The following PKHD1 variants were observed in gnomAD, a reference collection of about 807,000 sequenced individuals.
The protein encoded by PKHD1 is fibrocystin.
In PKHD1, 291 loss-of-function variants were observed where a neutral mutation model predicts 412.0. The observed-to-expected ratio is 0.71, with a 90% confidence interval of 0.64 to 0.78. The LOEUF is 0.78. PKHD1 is among the 30% of genes least tolerant of loss of function. The pLI is 0.00. For synonymous variants in PKHD1, 1,777 were observed against 1,821.5 expected, an observed-to-expected ratio of 0.98 and a Z score of 0.62; for missense variants, 4,825 against 4,950.7, an observed-to-expected ratio of 0.97 and a Z score of 0.76.
At chr6:51,990,596 C>T (rs1796938306) in intron 35 of PKHD1, among the ~76,000 whole-genome samples, 1 of 152,148 alleles carries the variant, frequency 6.6e-6, no homozygotes, top group Non-Finnish European at 1.5e-5. Context: ...CACTTTTGTT[C>T]CTTAGTAAAT....
At chr6:51,697,987 T>A (rs62461297) in intron 60 of PKHD1, among the ~76,000 whole-genome samples, 12,169 of 152,280 alleles carry the variant, frequency 0.08, 694 homozygotes, top group Middle Eastern at 0.15. Flanking sequence ...AAGGAAAGGA[T>A]CACATTATAT....
chr6:52,054,062 C>G lies in PKHD1; in HGVS notation c.1940G>C (p.Ser647Thr). The G allele has an allele frequency of 6.2e-7, 1 of 1,613,958 alleles. No homozygotes were observed. ...NMVKNTTCDW[S>T]LTRTSPESWQ... ...CCTCTCGGGGCTGGTCCTCGTGAGA[C>G]TCCAGTCACAGGTGGTATTCTTTAC... Residue 647 changes from serine (S) to threonine (T), a missense_variant, in exon 20 of 67, where the codon AGT (serine) becomes ACT (threonine). Transcript: ENST00000371117.
rs4715273 is a variant in PKHD1, at chr6:52,064,678, T to G, written c.976+277A>C. The stretch of plus-strand genomic sequence containing the variant: ...GTTTCTTCCAGTAGCTATAACAATA[T>G]CTTGAGGGCAGTTATGCTTTCTAGA... On this transcript the variant is annotated intron_variant, in intron 13 of 66. Coordinates refer to ENST00000371117, the MANE Select transcript of PKHD1 (RefSeq NM_138694.4). 0.41 allele frequency among the ~76,000 whole-genome samples: 62,592 copies of G among 151,480 alleles called. 14,983 individuals carry two copies. The highest frequency in any genetic ancestry group is 0.57 in the Admixed American group (8,660 of 15,230).
intron 35 of PKHD1, among the ~76,000 whole-genome samples, chr6:51,990,805 T>G (rs1357398764): frequency 6.6e-6 from 1 of 151,988 alleles, no homozygotes; most frequent in Admixed American, 6.6e-5. Flanking sequence ...GGCAGCATCA[T>G]GATTAAGAGA....
At chr6:52,007,488 A>T (rs898680450) in intron 35 of PKHD1, among the ~76,000 whole-genome samples, 3 of 152,184 alleles carry the variant, frequency 2.0e-5, no homozygotes, top group African/African-American at 4.8e-5. Flanking sequence ...AAGGTAGGGA[A>T]ATTGTACATC....
chr6:51,824,180 T>A (rs924495543), intron 52 of PKHD1, among the ~76,000 whole-genome samples: 3 of 152,066 alleles, frequency 2.0e-5, no homozygotes, highest in African/African-American at 7.2e-5. Context: ...AACAATTCTA[T>A]GTGTCTATAA....
At chr6:51,883,019 G>A (rs1240867785) in intron 46 of PKHD1, 74 bp downstream of exon 46, 3 of 1,132,492 alleles carry the variant, frequency 2.6e-6, no homozygotes, top group African/African-American at 3.1e-5. Context: ...TGCATATCCT[G>A]GATCATCAGG....
At chr6:51,952,613 C>A (rs1790531056) in intron 36 of PKHD1, among the ~76,000 whole-genome samples, 1 of 152,058 alleles carries the variant, frequency 6.6e-6, no homozygotes, top group South Asian at 2.1e-4. Context: ...AAGTTTTTAA[C>A]CAATTAAAAA....
chr6:51,620,430 G>A (rs1242082635), intron 66 of PKHD1, among the ~76,000 whole-genome samples: 1 of 151,948 alleles, frequency 6.6e-6, no homozygotes, highest in Admixed American at 6.6e-5. Flanking sequence ...TGCATGCAAA[G>A]GTCACTATTC....
chr6:51,638,639 T>A (rs1474446992), intron 64 of PKHD1, among the ~76,000 whole-genome samples: 1 of 152,120 alleles, frequency 6.6e-6, no homozygotes, highest in Admixed American at 6.6e-5. Flanking sequence ...GTACATTTGG[T>A]TTCTTGCTCA....
chr6:51,724,250 C>G (rs1782283704), intron 60 of PKHD1, among the ~76,000 whole-genome samples: 1 of 152,146 alleles, frequency 6.6e-6, no homozygotes, highest in African/African-American at 2.4e-5. Flanking sequence ...ATTGTTTGTC[C>G]TTAGGTCCCA....
At chr6:51,634,683 T>C (rs910679784) in intron 64 of PKHD1, among the ~76,000 whole-genome samples, 4 of 152,170 alleles carry the variant, frequency 2.6e-5, no homozygotes, top group Non-Finnish European at 5.9e-5. Flanking sequence ...ATTGATATGA[T>C]TCGGGAAAGC....
intron 37 of PKHD1, among the ~76,000 whole-genome samples, chr6:51,912,815 A>G (rs1783170749): frequency 1.3e-5 from 2 of 152,060 alleles, no homozygotes. Context: ...GCCAGACTAG[A>G]GAATAGCAAC....
At chr6:51,663,022 T>C (rs1562050384) in intron 60 of PKHD1, among the ~76,000 whole-genome samples, 1 of 152,082 alleles carries the variant, frequency 6.6e-6, no homozygotes, top group African/African-American at 2.4e-5. Context: ...ACTCTAATGT[T>C]AAGAGTTGTC....
intron 60 of PKHD1, among the ~76,000 whole-genome samples, chr6:51,712,950 T>C (rs374798856): frequency 3.9e-5 from 6 of 152,334 alleles, no homozygotes; most frequent in African/African-American, 1.4e-4. Context: ...GATCCAGTTA[T>C]CTAACTAAAT....
intron 60 of PKHD1, among the ~76,000 whole-genome samples, chr6:51,665,209 T>G (rs1160780773): frequency 6.6e-6 from 1 of 152,110 alleles, no homozygotes; most frequent in Admixed American, 6.6e-5. Context: ...TTCAAGGCTA[T>G]GTAGTCTTGT....
At chr6:52,081,498 T>A (rs1812020481) in intron 4 of PKHD1, among the ~76,000 whole-genome samples, 1 of 152,022 alleles carries the variant, frequency 6.6e-6, no homozygotes, top group Non-Finnish European at 1.5e-5. Context: ...ATAAGTGTTA[T>A]GAAAACTCAG....
chr6:51,676,552 T>G (rs951464108), intron 60 of PKHD1, among the ~76,000 whole-genome samples: 1 of 152,132 alleles, frequency 6.6e-6, no homozygotes, highest in Non-Finnish European at 1.5e-5. Context: ...TCTCTTATTT[T>G]CAAGAAATGA....
chr6:51,927,360 C>T (rs1471592150), intron 37 of PKHD1, among the ~76,000 whole-genome samples: 2 of 152,114 alleles, frequency 1.3e-5, no homozygotes, highest in African/African-American at 4.8e-5. Context: ...AGGGAAGCCA[C>T]AGACAGGGAG....
Sources: allele counts gnomAD v4.1 joint callset (sites outside exome capture counted in the v4.1 genomes callset), GRCh38; gene constraint gnomAD v4.1.1; transcripts MANE v1.5; gene names NCBI Gene and HGNC (gene_info 2026-07-23, HGNC 2026-07-21).